KCNH8: variants seen among roughly 807,000 people sequenced by gnomAD.
KCNH8 encodes voltage-gated delayed rectifier potassium channel KCNH8.
Under a neutral mutation model 103.6 loss-of-function variants are expected in KCNH8, and 70 were observed. That is an observed-to-expected ratio of 0.68 (90% CI 0.56 to 0.82). The LOEUF is 0.82. Among genes scored for constraint, KCNH8 ranks in the 40% least tolerant of loss-of-function variants. KCNH8 has a pLI of 0.00. For missense variants in KCNH8, 1,217 were observed against 1,329.9 expected, an observed-to-expected ratio of 0.92 and a Z score of 1.32; for synonymous variants, 498 against 489.4, an observed-to-expected ratio of 1.02 and a Z score of -0.23.
intron 1 of KCNH8, among the ~76,000 whole-genome samples, chr3:19,207,737 T>C (rs1301735272): frequency 2.6e-5 from 4 of 152,020 alleles, no homozygotes; most frequent in Non-Finnish European, 4.4e-5. Flanking sequence ...CAATGTGTAA[T>C]TGGACTCATT....
chr3:19,308,208 CTTATATA>C (rs1322716207), intron 3 of KCNH8, among the ~76,000 whole-genome samples: 1 of 151,100 alleles, frequency 6.6e-6, no homozygotes. Context: ...AGAATTGCTA[CTTATATA>C]TTAGAAGGTC....
chr3:19,297,558 T>A (rs2065012344), intron 3 of KCNH8, among the ~76,000 whole-genome samples: 2 of 152,204 alleles, frequency 1.3e-5, no homozygotes, highest in Non-Finnish European at 2.9e-5. Context: ...CATATATTCC[T>A]ATTAGTGTTC....
Position 19,371,750 on chromosome 3 carries a change from C to G in KCNH8, c.812-18731C>G, listed in dbSNP as rs1420627285. On this transcript the variant is annotated intron_variant, in intron 5 of 15. Transcript: ENST00000328405. ...AGGGTTTTTATGGTTTTAGGTCTAA[C>G]GTTTAAAGTCTTTAATCCATGTTGA... Among the ~76,000 whole-genome samples the G allele has an allele frequency of 3.4e-5, 4 of 119,332 alleles. No homozygotes were observed. In the South Asian group the frequency reaches 9.8e-4, roughly 29 times the overall value. 78.3% of individuals were successfully genotyped at this position (119,332 alleles called of 152,430 possible). A position where few individuals can be genotyped will look rare whatever the true frequency, so the allele number is the denominator to read the frequency against.
chr3:19,175,715 C>G (rs747807317), intron 1 of KCNH8, among the ~76,000 whole-genome samples: 5 of 152,118 alleles, frequency 3.3e-5, no homozygotes, highest in Non-Finnish European at 7.4e-5. Flanking sequence ...GAAATACTGT[C>G]AAATCACCTC....
chr3:19,344,714 A>G (rs1160080325), intron 4 of KCNH8, among the ~76,000 whole-genome samples: 2 of 152,242 alleles, frequency 1.3e-5, no homozygotes, highest in Middle Eastern at 3.4e-3. Context: ...TTGAATAAAC[A>G]ATAAATTTTC....
rs940298230 is a variant in KCNH8, at chr3:19,234,107, T to C, written c.77-19547T>C. On this transcript the variant is annotated intron_variant, in intron 1 of 15. Transcript: ENST00000328405. ...CTGGCCCCACTCACATCCTGCTGAT[T>C]GGTAGGGCCCAGTGGTCTGTTTTGA... Among the ~76,000 whole-genome samples, 3 of 152,168 alleles carry C rather than the reference T, an allele frequency of 2.0e-5. No individual in the cohort carries two copies. In the East Asian group the frequency reaches 5.8e-4, roughly 29 times the overall value.
intron 1 of KCNH8, among the ~76,000 whole-genome samples, chr3:19,242,530 G>C (rs1369389988): frequency 2.0e-5 from 3 of 152,074 alleles, no homozygotes; most frequent in Non-Finnish European, 2.9e-5. Context: ...AAAACCATAA[G>C]ATCAAAGGGG....
At chr3:19,415,693 G>C (rs2066853737) in intron 7 of KCNH8, among the ~76,000 whole-genome samples, 1 of 151,940 alleles carries the variant, frequency 6.6e-6, no homozygotes, top group African/African-American at 2.4e-5. Flanking sequence ...TAACATATTA[G>C]GTTGGTGCAA....
Position 19,394,406 on chromosome 3 carries a change from G to C in KCNH8, c.970-698G>C, listed in dbSNP as rs1224733478. ...AGTCTACTGCTATAGTGGATGCAAAGGCACTAGGAGACTCTTCAGAAATTC... is the reference window on the plus strand; with the variant it reads ...AGTCTACTGCTATAGTGGATGCAAACGCACTAGGAGACTCTTCAGAAATTC... On this transcript the variant is annotated intron_variant, in intron 6 of 15. Coordinates refer to ENST00000328405, the MANE Select transcript of KCNH8 (RefSeq NM_144633.3). Among the ~76,000 whole-genome samples, 3 of 152,038 alleles carry C rather than the reference G, an allele frequency of 2.0e-5. No individual in the cohort carries two copies. In the East Asian group the frequency reaches 5.8e-4, roughly 30 times the overall value.
At chr3:19,233,226 AG>A (rs1159056673) in intron 1 of KCNH8, among the ~76,000 whole-genome samples, 3 of 152,148 alleles carry the variant, frequency 2.0e-5, no homozygotes, top group Non-Finnish European at 4.4e-5. Context: ...ATAGTAGGTG[AG>A]GGACTTTTTA....
chr3:19,175,505 G>A (rs2063390969), intron 1 of KCNH8, among the ~76,000 whole-genome samples: 1 of 152,056 alleles, frequency 6.6e-6, no homozygotes, highest in South Asian at 2.1e-4. Flanking sequence ...CCCCGCGCCC[G>A]GCCAACTGTT....
rs10571316 is a variant in KCNH8 at position 19,239,635 on chromosome 3, AATCTATCTATCTATCT to A, written c.77-13985_77-13970del. On this transcript the variant is annotated intron_variant, in intron 1 of 15. Coordinates refer to ENST00000328405, the MANE Select transcript of KCNH8 (RefSeq NM_144633.3). Reference sequence around the variant, plus strand: ...GTAGCTGAGGAAAGTAGAATGATGGAATCTATCTATCTATCTATCTATCTATCTATCTATCTATCTA... The same window carrying A: ...GTAGCTGAGGAAAGTAGAATGATGGAATCTATCTATCTATCTATCTATCTA... Among the ~76,000 whole-genome samples the A allele has an allele frequency of 8.5e-3, 1,238 of 145,830 alleles. 5 individuals carry two copies. Among genetic ancestry groups the A allele is most frequent in the South Asian group, 0.021 (96 of 4,584 alleles).
At chr3:19,410,989 C>T (rs766177612) in intron 7 of KCNH8, among the ~76,000 whole-genome samples, 14 of 151,494 alleles carry the variant, frequency 9.2e-5, no homozygotes, top group Non-Finnish European at 1.3e-4. Context: ...AAAATTGAGG[C>T]GAAGGGATTC....
intron 14 of KCNH8, among the ~76,000 whole-genome samples, chr3:19,516,155 C>A (rs959610013): frequency 9.2e-5 from 14 of 152,032 alleles, no homozygotes; most frequent in African/African-American, 2.4e-4. Flanking sequence ...AATGCAAGGC[C>A]AGCAATCCTC....
intron 3 of KCNH8, among the ~76,000 whole-genome samples, chr3:19,283,454 T>A (rs952741523): frequency 6.6e-6 from 1 of 152,172 alleles, no homozygotes; most frequent in Non-Finnish European, 1.5e-5. Flanking sequence ...ATGATTTAAT[T>A]TTTTGAAATA....
At chr3:19,267,882 A>G (rs1319906588) in intron 2 of KCNH8, among the ~76,000 whole-genome samples, 10 of 152,124 alleles carry the variant, frequency 6.6e-5, no homozygotes. Context: ...CTTCTGTAAT[A>G]TGGCAATAAC....
At chr3:19,430,612 A>G (rs2067106309) in intron 7 of KCNH8, among the ~76,000 whole-genome samples, 1 of 152,124 alleles carries the variant, frequency 6.6e-6, no homozygotes, top group African/African-American at 2.4e-5. Flanking sequence ...CCTTCTATGC[A>G]TGAGCATAGA....
intron 7 of KCNH8, among the ~76,000 whole-genome samples, chr3:19,426,101 G>T (rs553630026): frequency 2.8e-4 from 42 of 152,148 alleles, no homozygotes; most frequent in African/African-American, 9.6e-4. Flanking sequence ...TTCCACCAAG[G>T]CCTGGGATAG....
At chr3:19,367,305 A>G (rs1559494611) in intron 5 of KCNH8, among the ~76,000 whole-genome samples, 1 of 151,060 alleles carries the variant, frequency 6.6e-6, no homozygotes, top group Non-Finnish European at 1.5e-5. Context: ...AGTCTGGGTT[A>G]GGTTTCTATC....
Sources: allele counts gnomAD v4.1 joint callset (sites outside exome capture counted in the v4.1 genomes callset), GRCh38; gene constraint gnomAD v4.1.1; transcripts MANE v1.5; gene names NCBI Gene and HGNC (gene_info 2026-07-23, HGNC 2026-07-21).